The following AXIN2 variants were observed in gnomAD, a reference collection of about 807,000 sequenced individuals.
AXIN2 encodes the protein axin 2, also known as axin-2.
Under a neutral mutation model 74.7 loss-of-function variants are expected in AXIN2, and 21 were observed. The ratio of observed to expected loss-of-function variants is 0.28; its 90% CI spans 0.20 to 0.40. The LOEUF (loss-of-function observed/expected upper bound fraction) is 0.40. AXIN2 is among the 10% of genes least tolerant of loss of function. AXIN2 has a pLI of 1.00. For synonymous variants in AXIN2, 532 were observed against 454.9 expected (o/e 1.17, Z -2.16); for missense variants, 1,144 against 1,111.1 (o/e 1.03, Z -0.42).
chr17:65,560,202 A>T (rs1341708032), intron 1 of AXIN2: 3 of 152,106 alleles, frequency 2.0e-5, no homozygotes, highest in Non-Finnish European at 4.4e-5. Flanking sequence ...CGACGCGCGG[A>T]GTCTCTGCCT....
chr17:65,537,639 G>C lies in AXIN2; in HGVS notation c.1397C>G (p.Ser466Cys), dbSNP rs1064793954. ...GVGRYSPRSR[S>C]PDHHHHHHSQ... Reference sequence around the variant, plus strand: ...ATGGTGGTGGTGGTGGTGGTCCGGGGAGCGGGAGCGGGGGCTATAGCGGCC... The same window carrying C: ...ATGGTGGTGGTGGTGGTGGTCCGGGCAGCGGGAGCGGGGGCTATAGCGGCC... The change falls in exon 6 of 11, where the codon TCC becomes TGC. Residue 466 changes from serine to cysteine, a missense_variant. By Grantham distance (112) the Ser-to-Cys change is moderately radical. Transcript: ENST00000307078. 1 of 1,578,888 alleles carries C rather than the reference G, an allele frequency of 6.3e-7. No individual in the cohort carries two copies. The highest frequency in any genetic ancestry group is 8.6e-7 in the Non-Finnish European group (1 of 1,164,862).
At chr17:65,537,936 C>T in intron 5 of AXIN2, 101 bp from the exon 6 acceptor site, 2 of 1,437,768 alleles carry the variant, frequency 1.4e-6, no homozygotes, top group Non-Finnish European at 1.9e-6. Context: ...GCACGCACAC[C>T]CGTGTGCACG....
intron 7 of AXIN2, 31 bp downstream of exon 7, chr17:65,536,838 C>T (rs760161611): frequency 1.1e-5 from 18 of 1,612,000 alleles, no homozygotes; most frequent in Non-Finnish European, 1.4e-5. Flanking sequence ...CCATGACCCT[C>T]GCGGCCGCGG....
At chr17:65,547,518 T>C (rs2044134360) in intron 3 of AXIN2, among the ~76,000 whole-genome samples, 2 of 152,076 alleles carry the variant, frequency 1.3e-5, no homozygotes, top group African/African-American at 4.8e-5. Context: ...CAAACAGAAA[T>C]AAGTATGGGA....
At chr17:65,554,474 T>C (rs2044238985) in intron 2 of AXIN2, among the ~76,000 whole-genome samples, 1 of 152,218 alleles carries the variant, frequency 6.6e-6, no homozygotes, top group Non-Finnish European at 1.5e-5. Context: ...AACGGGACCT[T>C]TTGAAAACAG....
intron 4 of AXIN2, 128 bp from the exon 5 acceptor site, chr17:65,538,471 A>C: frequency 7.8e-7 from 1 of 1,288,738 alleles, no homozygotes; most frequent in Non-Finnish European, 1.1e-6. Context: ...GTGGATGGCA[A>C]GGCGGCCTGG....
chr17:65,560,749 G>C (rs1417341111), intron 1 of AXIN2: 1 of 151,580 alleles, frequency 6.6e-6, no homozygotes, highest in Non-Finnish European at 1.5e-5. Context: ...CGAAATAGCC[G>C]GCCTGCCAAC....
At chr17:65,560,036 A>C (rs1304948809) in intron 1 of AXIN2, 1 of 151,850 alleles carries the variant, frequency 6.6e-6, no homozygotes, top group Non-Finnish European at 1.5e-5. Flanking sequence ...ATGCAACTGA[A>C]CGCCTCCAGA....
chr17:65,538,038 T>TGCGCACACAGCCCACGCCCAG (rs2043970083), intron 5 of AXIN2, 165 bp downstream of exon 5: 1 of 1,394,934 alleles, frequency 7.2e-7, no homozygotes, highest in African/African-American at 1.4e-5. Context: ...CCCATGCACA[T>TGCGCACACAGCCCACGCCCAG]GCGCACACAG....
Position 65,529,308 on chromosome 17 carries a change from C to T in AXIN2, c.*668G>A, listed in dbSNP as rs1375065217. ...GTTGATGATGACGCAACATGGTCAA[C>T]CCTCAAGACCTTTAAGACAAAACAG... On this transcript the variant is annotated 3_prime_UTR_variant, in exon 11 of 11. Transcript: ENST00000307078. 4.2e-6 allele frequency: 1 copy of T among 236,660 alleles called. No individual in the cohort carries two copies. Among genetic ancestry groups the T allele is most frequent in the African/African-American group, 2.2e-5 (1 of 45,294 alleles). 14.7% of individuals were successfully genotyped at this position (236,660 alleles called of 1,614,324 possible).
At chr17:65,556,584 T>C (rs1190116552) in intron 2 of AXIN2, among the ~76,000 whole-genome samples, 5 of 152,068 alleles carry the variant, frequency 3.3e-5, no homozygotes, top group African/African-American at 1.2e-4. Context: ...CCCCTGGTGG[T>C]TGGAGAACAA....
At chr17:65,538,045 A>C in intron 5 of AXIN2, 158 bp downstream of exon 5, 5 of 1,418,246 alleles carry the variant, frequency 3.5e-6, no homozygotes, top group Admixed American at 2.0e-5. Flanking sequence ...ACATGCGCAC[A>C]CAGCCCACGC....
intron 4 of AXIN2, 50 bp from the exon 5 acceptor site, chr17:65,538,393 G>T: frequency 6.2e-7 from 1 of 1,610,258 alleles, no homozygotes; most frequent in Non-Finnish European, 8.5e-7. Flanking sequence ...CAGGCTAGGT[G>T]GGCGGTGGCT....
intron 2 of AXIN2, 89 bp from the exon 3 acceptor site, chr17:65,549,749 T>G: frequency 6.7e-7 from 1 of 1,500,406 alleles, no homozygotes; most frequent in Non-Finnish European, 9.1e-7. Context: ...CAGCACACTA[T>G]CCCACAATCT....
intron 2 of AXIN2, among the ~76,000 whole-genome samples, chr17:65,555,556 A>C (rs1190229124): frequency 1.3e-5 from 2 of 151,736 alleles, no homozygotes; most frequent in South Asian, 4.1e-4. Context: ...TATACTAATT[A>C]TAACACTTTG....
chr17:65,550,907 G>C (rs953616399), intron 2 of AXIN2, among the ~76,000 whole-genome samples: 2 of 152,146 alleles, frequency 1.3e-5, no homozygotes, highest in African/African-American at 4.8e-5. Context: ...TGTTATCACA[G>C]GCTCACGAGG....
chr17:65,551,355 G>A (rs1248551577), intron 2 of AXIN2, among the ~76,000 whole-genome samples: 1 of 152,056 alleles, frequency 6.6e-6, no homozygotes, highest in Non-Finnish European at 1.5e-5. Flanking sequence ...GGGAGAGAGA[G>A]GGGTCTAATT....
chr17:65,531,064 T>TG (rs2043807403), intron 10 of AXIN2, among the ~76,000 whole-genome samples: 1 of 152,112 alleles, frequency 6.6e-6, no homozygotes, highest in Non-Finnish European at 1.5e-5. Flanking sequence ...AACTTGCCCC[T>TG]GCAAGCTGTC....
Position 65,528,799 on chromosome 17 carries a change from C to A in AXIN2, c.*1177G>T. The A allele has an allele frequency of 2.1e-6, 1 of 484,262 alleles. No individual in the cohort carries two copies. The highest frequency in any genetic ancestry group is 3.8e-6 in the Non-Finnish European group (1 of 260,856). The allele number at this position is 484,262 out of a possible 1,614,324, so 30.0% of individuals were successfully genotyped here. ...AGCTTGAGCCCTCAATATAGGGCGA[C>A]ACACGGAGCGGGTGACCGTGCAGGT... On this transcript the variant is annotated 3_prime_UTR_variant, in exon 11 of 11. Transcript: ENST00000307078.
Sources: allele counts gnomAD v4.1 joint callset (sites outside exome capture counted in the v4.1 genomes callset), GRCh38; gene constraint gnomAD v4.1.1; transcripts MANE v1.5; gene names NCBI Gene and HGNC (gene_info 2026-07-23, HGNC 2026-07-21).